Variants in MIB1 observed in about 807,000 individuals in gnomAD.
MIB1 encodes E3 ubiquitin-protein ligase MIB1.
A neutral mutation model predicts 124.5 loss-of-function variants in MIB1; 278 were observed. That is an observed-to-expected ratio of 2.23 (90% confidence interval 2.02 to 2.47). The LOEUF (loss-of-function observed/expected upper bound fraction) is 2.47. MIB1 is among the 30% of genes most tolerant of loss of function. MIB1 has a pLI of 0.00. For missense variants in MIB1, 957 were observed against 1,254.4 expected (o/e 0.76, Z 3.58); for synonymous variants, 446 against 429.4 (o/e 1.04, Z -0.48).
chr18:21,799,109 A>G (rs1327043840), intron 8 of MIB1, among the ~76,000 whole-genome samples: 1 of 152,060 alleles, frequency 6.6e-6, no homozygotes, highest in African/African-American at 2.4e-5. Context: ...CTCTCAAATT[A>G]TGTGGACTTG....
chr18:21,829,599 G>A (rs1013040144), intron 12 of MIB1: 30 of 152,022 alleles, frequency 2.0e-4, no homozygotes, highest in African/African-American at 7.0e-4. Flanking sequence ...ATGAGTGTGG[G>A]TGAATTGAAC....
At chr18:21,730,791 C>T (rs753063934) in intron 1 of MIB1, among the ~76,000 whole-genome samples, 2 of 152,038 alleles carry the variant, frequency 1.3e-5, no homozygotes, top group Non-Finnish European at 1.5e-5. Context: ...TTGTGAAATC[C>T]GAATTTGATC....
At chr18:21,811,202 T>C (rs1251996165) in intron 10 of MIB1, among the ~76,000 whole-genome samples, 1 of 152,244 alleles carries the variant, frequency 6.6e-6, no homozygotes, top group Non-Finnish European at 1.5e-5. Context: ...GTGGCTGTTA[T>C]CAAAACAACC....
intron 1 of MIB1, among the ~76,000 whole-genome samples, chr18:21,720,956 C>T (rs1213695968): frequency 6.6e-6 from 1 of 151,862 alleles, no homozygotes; most frequent in Non-Finnish European, 1.5e-5. Context: ...AGTGAGAAGC[C>T]ATTATCTTAA....
intron 1 of MIB1, among the ~76,000 whole-genome samples, chr18:21,707,702 C>T (rs779839080): frequency 5.9e-5 from 9 of 152,168 alleles, no homozygotes; most frequent in Non-Finnish European, 1.3e-4. Flanking sequence ...TCCGCGGCTT[C>T]ATTCTTGAAG....
chr18:21,843,057 A>G (rs2042105314), intron 13 of MIB1, 74 bp from the exon 14 acceptor site: 1 of 1,013,350 alleles, frequency 9.9e-7, no homozygotes, highest in South Asian at 1.5e-5. Flanking sequence ...TTTATTCCTT[A>G]TGAGTAGTTA....
chr18:21,788,343 T>G (rs1193529660), intron 6 of MIB1, among the ~76,000 whole-genome samples: 1 of 152,248 alleles, frequency 6.6e-6, no homozygotes, highest in East Asian at 1.9e-4. Context: ...GCATTAGGCC[T>G]GATTGTATTC....
chr18:21,737,163 A>G (rs1397683550), upstream of MIB1, among the ~76,000 whole-genome samples: 3 of 152,256 alleles, frequency 2.0e-5, no homozygotes, highest in Admixed American at 6.5e-5. Flanking sequence ...GGGGAAGTCC[A>G]TTAGACTAAC....
intron 1 of MIB1, among the ~76,000 whole-genome samples, chr18:21,742,276 C>CT (rs573203298): frequency 0.026 from 3,552 of 136,734 alleles, 92 homozygotes; most frequent in African/African-American, 0.069. Flanking sequence ...GTGGAGATGC[C>CT]TTTTTTTTTT....
intron 13 of MIB1, among the ~76,000 whole-genome samples, chr18:21,839,303 A>C (rs1237477877): frequency 3.3e-5 from 5 of 152,216 alleles, no homozygotes; most frequent in Non-Finnish European, 2.9e-5. Context: ...CCACTACTTT[A>C]AATCTTTGCT....
intron 12 of MIB1, chr18:21,831,191 C>T (rs1035798944): frequency 4.6e-5 from 7 of 150,902 alleles, no homozygotes; most frequent in African/African-American, 1.7e-4. Flanking sequence ...TTTTCTTTGC[C>T]CTCCAGAATA....
chr18:21,751,742 G>T (rs1008503053), intron 1 of MIB1, among the ~76,000 whole-genome samples: 3 of 150,864 alleles, frequency 2.0e-5, no homozygotes, highest in Non-Finnish European at 1.5e-5. Context: ...TTGAGTCCTT[G>T]CAGGCCTGAA....
At chr18:21,840,748 T>C (rs1469758466) in intron 13 of MIB1, among the ~76,000 whole-genome samples, 1 of 150,334 alleles carries the variant, frequency 6.7e-6, no homozygotes, top group Admixed American at 6.6e-5. Context: ...GGAGGATCAC[T>C]TGAGCCTGGG....
At chr18:21,760,197 A>C (rs1424332579) in intron 1 of MIB1, among the ~76,000 whole-genome samples, 2 of 152,242 alleles carry the variant, frequency 1.3e-5, no homozygotes, top group African/African-American at 4.8e-5. Flanking sequence ...TTATGAAATA[A>C]AAATTTTAAG....
chr18:21,779,362 C>T (rs1031790024), intron 5 of MIB1, 119 bp from the exon 6 acceptor site: 1 of 765,020 alleles, frequency 1.3e-6, no homozygotes, highest in Non-Finnish European at 2.2e-6. Flanking sequence ...ATTCTCAAGA[C>T]CTTTTAAAAC....
chr18:21,721,183 T>G (rs1362792211), intron 1 of MIB1, among the ~76,000 whole-genome samples: 2 of 118,784 alleles, frequency 1.7e-5, no homozygotes, highest in African/African-American at 3.4e-5. Flanking sequence ...TTTTTTTTTT[T>G]TTTTTTTTTT....
chr18:21,707,332 C>G (rs1165170912), intron 1 of MIB1, among the ~76,000 whole-genome samples: 1 of 152,036 alleles, frequency 6.6e-6, no homozygotes, highest in African/African-American at 2.4e-5. Context: ...CCAGTCAGCT[C>G]TCTGTAAAAC....
chr18:21,756,663 C>T (rs1373513320), intron 1 of MIB1, among the ~76,000 whole-genome samples: 9 of 152,034 alleles, frequency 5.9e-5, no homozygotes, highest in Admixed American at 5.9e-4. Context: ...GGGGTTTCGC[C>T]ATGTTGGCTA....
intron 16 of MIB1, among the ~76,000 whole-genome samples, chr18:21,848,873 T>C (rs932588866): frequency 6.6e-6 from 1 of 152,182 alleles, no homozygotes; most frequent in Non-Finnish European, 1.5e-5. Context: ...TCTATATAGA[T>C]ACAACAGGTT....
Sources: allele counts gnomAD v4.1 joint callset (sites outside exome capture counted in the v4.1 genomes callset), GRCh38; gene constraint gnomAD v4.1.1; transcripts MANE v1.5; gene names NCBI Gene and HGNC (gene_info 2026-07-23, HGNC 2026-07-21).